ENOSF1: variants seen among roughly 807,000 people sequenced by gnomAD.
ENOSF1 encodes mitochondrial enolase superfamily member 1.
In ENOSF1, 73 loss-of-function variants were observed where a neutral mutation model predicts 68.2. The ratio of observed to expected loss-of-function variants is 1.07; its 90% CI spans 0.89 to 1.30. The LOEUF is 1.30. Among genes scored for constraint, ENOSF1 ranks in the 50% most tolerant of loss-of-function variants. ENOSF1 has a pLI of 0.00. For synonymous variants in ENOSF1, 223 were observed against 210.4 expected, an observed-to-expected ratio of 1.06 and a Z score of -0.52; for missense variants, 589 against 554.5, an observed-to-expected ratio of 1.06 and a Z score of -0.62.
At chr18:694,902 G>T (rs183309816) in intron 3 of ENOSF1, among the ~76,000 whole-genome samples, 4 of 151,890 alleles carry the variant, frequency 2.6e-5, no homozygotes, top group Admixed American at 1.3e-4. Flanking sequence ...TTTGAATAAA[G>T]TTGCAAATAT....
chr18:706,419 TC>T, intron 2 of ENOSF1, 50 bp downstream of exon 2: 1 of 1,151,392 alleles, frequency 8.7e-7, no homozygotes, highest in Non-Finnish European at 1.3e-6. Context: ...TAAATTAGAA[TC>T]TCATCTGAAA....
At chr18:666,273 C>A (rs34007153), downstream of ENOSF1, among the ~76,000 whole-genome samples, 3,738 of 151,546 alleles carry the variant, frequency 0.025, 159 homozygotes, top group African/African-American at 0.086. Context: ...ATCGGTGGGA[C>A]AAGGGACAAA....
intron 11 of ENOSF1, among the ~76,000 whole-genome samples, chr18:681,475 G>A (rs2076070883): frequency 6.6e-6 from 1 of 152,234 alleles, no homozygotes; most frequent in African/African-American, 2.4e-5. Flanking sequence ...CATTCAGCAG[G>A]GCACAGCCAA....
chr18:711,388 G>T (rs891893916), intron 1 of ENOSF1, among the ~76,000 whole-genome samples: 1 of 152,124 alleles, frequency 6.6e-6, no homozygotes, highest in Non-Finnish European at 1.5e-5. Flanking sequence ...ACATTACAAT[G>T]GGAATTAGAG....
chr18:667,382 T>A (rs371482224), downstream of ENOSF1, among the ~76,000 whole-genome samples: 12 of 20,258 alleles, frequency 5.9e-4, no homozygotes, highest in Admixed American at 9.1e-4. Flanking sequence ...ATGGTGATGG[T>A]GATGGTGATG....
chr18:699,383 T>A (rs1017948032), intron 2 of ENOSF1, among the ~76,000 whole-genome samples: 2 of 151,876 alleles, frequency 1.3e-5, no homozygotes, highest in Non-Finnish European at 2.9e-5. Flanking sequence ...TCACTTGAGG[T>A]AGGAGGATCA....
intron 2 of ENOSF1, among the ~76,000 whole-genome samples, chr18:702,505 G>A (rs896371508): frequency 6.6e-6 from 1 of 151,992 alleles, no homozygotes; most frequent in Non-Finnish European, 1.5e-5. Context: ...AACCTTGGAG[G>A]TGGAGGCTGC....
chr18:674,684 AATTTTTTGT>A (rs1407611923), intron 15 of ENOSF1, among the ~76,000 whole-genome samples: 2 of 151,982 alleles, frequency 1.3e-5, no homozygotes, highest in African/African-American at 2.4e-5. Flanking sequence ...ATGCCCGGCT[AATTTTTTGT>A]ATTTTTTGTA....
chr18:669,136 C>A (rs770269195), downstream of ENOSF1: 3 of 1,614,030 alleles, frequency 1.9e-6, no homozygotes, highest in Admixed American at 3.3e-5. Flanking sequence ...CCAACCCTGA[C>A]GACAGAAGAA....
At chr18:682,666 C>T (rs1362916435) in intron 11 of ENOSF1, among the ~76,000 whole-genome samples, 2 of 141,672 alleles carry the variant, frequency 1.4e-5, no homozygotes, top group Non-Finnish European at 3.0e-5. Context: ...GTCAGGAGTT[C>T]GAGACAGGCC....
At chr18:675,508 G>C in intron 14 of ENOSF1, 106 bp from the exon 15 acceptor site, 1 of 973,686 alleles carries the variant, frequency 1.0e-6, no homozygotes, top group East Asian at 2.6e-5. Context: ...GACAGTGTTG[G>C]CCAAGGCTTA....
At chr18:708,157 G>A (rs113060135) in intron 1 of ENOSF1, among the ~76,000 whole-genome samples, 2,355 of 150,402 alleles carry the variant, frequency 0.016, 50 homozygotes, top group African/African-American at 0.055. Context: ...CACCACGCCC[G>A]GCCACAAGTA....
At chr18:688,512 G>T in intron 9 of ENOSF1, 62 bp downstream of exon 9, 2 of 1,612,536 alleles carry the variant, frequency 1.2e-6, no homozygotes, top group South Asian at 1.1e-5. Flanking sequence ...TGCCAGGAGA[G>T]ACTTACTGCC....
chr18:668,706 C>T (rs954411845), downstream of ENOSF1, among the ~76,000 whole-genome samples: 1 of 152,134 alleles, frequency 6.6e-6, no homozygotes. Flanking sequence ...TGACAAGAAT[C>T]GCTGATGGGT....
chr18:667,680 A>T (rs2074885475), downstream of ENOSF1: 1 of 152,212 alleles, frequency 6.6e-6, no homozygotes, highest in South Asian at 2.1e-4. Flanking sequence ...GCACACAAAA[A>T]TGGCAAGTTT....
intron 11 of ENOSF1, among the ~76,000 whole-genome samples, chr18:679,588 A>G (rs1598549595): frequency 6.6e-6 from 1 of 150,572 alleles, no homozygotes. Context: ...TCTTCCTTCC[A>G]GCTCAGTGGG....
chr18:694,292 C>G lies in ENOSF1; in HGVS notation c.352G>C (p.Val118Leu). ...CACAAGTCCCACACCGCGTTTAGGA[C>G]GGCCGCTGTCGCCAGGTGCACCACG... ...KGVVHLATAA[V>L]LNAVWDLWAK... Residue 118 changes from valine to leucine, a missense_variant, in exon 4 of 16, where the codon GTC becomes CTC. Transcript: ENST00000647584. 1.9e-6 allele frequency: 3 copies of G among 1,614,160 alleles called. No individual in the cohort carries two copies. The highest frequency in any genetic ancestry group is 2.5e-6 in the Non-Finnish European group (3 of 1,180,044).
chr18:707,461 T>C (rs1279079693), intron 1 of ENOSF1: 1 of 152,232 alleles, frequency 6.6e-6, no homozygotes, highest in African/African-American at 2.4e-5. Context: ...TGGAGTGATC[T>C]CACTTATAGC....
At chr18:708,139 G>A (rs1158047992) in intron 1 of ENOSF1, among the ~76,000 whole-genome samples, 1 of 151,938 alleles carries the variant, frequency 6.6e-6, no homozygotes, top group Admixed American at 6.6e-5. Flanking sequence ...AGGATTACAG[G>A]TGTGAGCCAC....
Sources: gnomAD v4.1 joint callset for allele counts (sites outside exome capture counted in the v4.1 genomes callset) on GRCh38, gnomAD v4.1.1 for gene constraint, MANE v1.5 for transcripts, NCBI Gene and HGNC (gene_info 2026-07-23, HGNC 2026-07-21) for gene names.